The following ST6GAL1 variants were observed in gnomAD, a reference collection of about 807,000 sequenced individuals.
The protein encoded by ST6GAL1 is ST6 beta-galactoside alpha-2,6-sialyltransferase 1, also known as beta-galactoside alpha-2,6-sialyltransferase 1.
Under a neutral mutation model 38.0 loss-of-function variants are expected in ST6GAL1, and 20 were observed. The ratio of observed to expected loss-of-function variants is 0.53; its 90% confidence interval spans 0.37 to 0.77. The LOEUF is 0.77. Ranked by LOEUF, ST6GAL1 falls within the 30% of genes least tolerant of loss-of-function variation. The probability of loss-of-function intolerance (pLI) is 0.00; values close to 1 mark genes in which losing one functional copy is unlikely to be tolerated. For missense variants in ST6GAL1, 432 were observed against 496.4 expected (o/e 0.87, Z 1.23); for synonymous variants, 196 against 188.2 (o/e 1.04, Z -0.34).
chr3:186,949,301 C>G (rs530241464), intron 1 of ST6GAL1, among the ~76,000 whole-genome samples: 1 of 152,236 alleles, frequency 6.6e-6, no homozygotes, highest in Admixed American at 6.5e-5. Flanking sequence ...GGCAGCCAGG[C>G]TGAGTTATCA....
intron 1 of ST6GAL1, chr3:186,948,673 C>T (rs16861329): frequency 0.13 from 20,276 of 152,404 alleles, 1,561 homozygotes; most frequent in South Asian, 0.24. Context: ...ATACCAACAC[C>T]TTTGGCTCAG....
At chr3:186,935,000 A>G (rs1035583521) in intron 1 of ST6GAL1, among the ~76,000 whole-genome samples, 4 of 151,684 alleles carry the variant, frequency 2.6e-5, no homozygotes, top group Admixed American at 1.3e-4. Flanking sequence ...CAAAAATTTT[A>G]TTTTTTTTAA....
At chr3:187,023,359 A>C (rs1263775553) in intron 2 of ST6GAL1, among the ~76,000 whole-genome samples, 5 of 152,082 alleles carry the variant, frequency 3.3e-5, no homozygotes, top group African/African-American at 9.7e-5. Context: ...ATTTATCCTC[A>C]CTATAAGGTG....
chr3:187,012,386 T>C (rs984147831), intron 2 of ST6GAL1, among the ~76,000 whole-genome samples: 2 of 152,130 alleles, frequency 1.3e-5, no homozygotes, highest in Non-Finnish European at 2.9e-5. Flanking sequence ...GCCTCCTGAG[T>C]AGCTGGGATA....
intron 2 of ST6GAL1, among the ~76,000 whole-genome samples, chr3:186,966,463 C>T (rs1715120019): frequency 6.6e-6 from 1 of 152,206 alleles, no homozygotes; most frequent in East Asian, 1.9e-4. Flanking sequence ...TCTGTGACCT[C>T]CACAGCTTCT....
intron 5 of ST6GAL1, among the ~76,000 whole-genome samples, chr3:187,056,854 A>G (rs9862574): frequency 0.1 from 15,133 of 152,036 alleles, 2,519 homozygotes; most frequent in African/African-American, 0.34. Context: ...GGCCTGCCTT[A>G]CTAGGTTGGG....
chr3:186,938,208 C>A (rs1419216063), intron 1 of ST6GAL1, among the ~76,000 whole-genome samples: 1 of 152,194 alleles, frequency 6.6e-6, no homozygotes, highest in East Asian at 1.9e-4. Flanking sequence ...TTTAAAACTT[C>A]ATGGATTTAG....
At chr3:187,005,556 T>C (rs536079614) in intron 2 of ST6GAL1, among the ~76,000 whole-genome samples, 167 of 152,302 alleles carry the variant, frequency 1.1e-3, no homozygotes, top group African/African-American at 4.0e-3. Flanking sequence ...ATTACAGGCA[T>C]GAGCCACGGC....
chr3:187,012,641 C>G (rs1023617755), intron 2 of ST6GAL1, among the ~76,000 whole-genome samples: 2 of 152,234 alleles, frequency 1.3e-5, no homozygotes, highest in Non-Finnish European at 2.9e-5. Context: ...ACCACACTCT[C>G]TCAGTCCTGA....
At chr3:186,963,001 T>C (rs1007804890) in intron 1 of ST6GAL1, among the ~76,000 whole-genome samples, 3 of 152,220 alleles carry the variant, frequency 2.0e-5, no homozygotes, top group African/African-American at 7.2e-5. Context: ...GAGTATGTTA[T>C]CTGTAGTTAT....
Position 186,934,302 on chromosome 3 carries a change from C to T in ST6GAL1, c.-325+3468C>T, listed in dbSNP as rs1178554519. Among the ~76,000 whole-genome samples the T allele has an allele frequency of 2.6e-5, 4 of 152,088 alleles. No homozygotes were observed. The East Asian group carries it at 5.8e-4, about 22-fold the overall frequency. ...CAGTAATCACAGCACTTCAGGAGGC[C>T]GAGGAGGGAAGAGTTCGAATTCCTT... is the stretch of plus-strand genomic sequence containing the variant. On this transcript the variant is annotated intron_variant, in intron 1 of 7. Transcript: ENST00000169298.
At chr3:186,996,747 G>T (rs551600956) in intron 2 of ST6GAL1, 6 of 152,058 alleles carry the variant, frequency 3.9e-5, no homozygotes, top group Admixed American at 3.3e-4. Context: ...TTTGCATGAC[G>T]TGCTATAGAA....
chr3:187,037,110 T>G (rs1161431225), intron 2 of ST6GAL1, among the ~76,000 whole-genome samples: 3 of 152,338 alleles, frequency 2.0e-5, no homozygotes, highest in African/African-American at 7.2e-5. Flanking sequence ...AGTAGCCTGG[T>G]CCATGGTCAG....
intron 2 of ST6GAL1, among the ~76,000 whole-genome samples, chr3:186,979,166 T>C (rs577287752): frequency 2.6e-5 from 4 of 152,180 alleles, no homozygotes; most frequent in Admixed American, 6.5e-5. Flanking sequence ...TAAAACAAAC[T>C]GTATATAAAG....
At chr3:186,967,355 C>A (rs1203677027) in intron 2 of ST6GAL1, among the ~76,000 whole-genome samples, 2 of 152,188 alleles carry the variant, frequency 1.3e-5, no homozygotes, top group African/African-American at 4.8e-5. Context: ...CCACACCCAG[C>A]TAATTTTTGT....
At chr3:186,980,603 C>CAAAAAAAAAAAA (rs34503745) in intron 2 of ST6GAL1, among the ~76,000 whole-genome samples, 4 of 92,156 alleles carry the variant, frequency 4.3e-5, no homozygotes, top group Non-Finnish European at 8.2e-5. Context: ...ACTAAAATTA[C>CAAAAAAAAAAAA]AAAAAAAAAA....
intron 2 of ST6GAL1, among the ~76,000 whole-genome samples, chr3:187,033,282 G>A (rs73071435): frequency 0.078 from 11,842 of 152,128 alleles, 544 homozygotes; most frequent in African/African-American, 0.12. Context: ...CGTGGTGGCC[G>A]GTGCCTATAT....
At chr3:186,950,651 C>A (rs1367513101) in intron 1 of ST6GAL1, among the ~76,000 whole-genome samples, 1 of 152,160 alleles carries the variant, frequency 6.6e-6, no homozygotes, top group Non-Finnish European at 1.5e-5. Flanking sequence ...GGAGGGGTGA[C>A]CTGTGACTTC....
intron 2 of ST6GAL1, among the ~76,000 whole-genome samples, chr3:186,979,111 G>A (rs559140624): frequency 1.5e-4 from 23 of 152,080 alleles, no homozygotes; most frequent in African/African-American, 5.5e-4. Flanking sequence ...TGTATCATCT[G>A]TATTTGGGGC....
Sources: gnomAD v4.1 joint callset for allele counts (sites outside exome capture counted in the v4.1 genomes callset) on GRCh38, gnomAD v4.1.1 for gene constraint, MANE v1.5 for transcripts, NCBI Gene and HGNC (gene_info 2026-07-23, HGNC 2026-07-21) for gene names.